CEP126: variants seen among roughly 807,000 people sequenced by gnomAD.
The protein encoded by CEP126 is centrosomal protein 126, also known as centrosomal protein of 126 kDa.
CEP126 carries 74 observed loss-of-function variants against 107.8 expected under a neutral mutation model. The ratio of observed to expected loss-of-function variants is 0.69; its 90% CI spans 0.57 to 0.83. CEP126 has a LOEUF of 0.83. Among genes scored for constraint, CEP126 ranks in the 40% least tolerant of loss-of-function variants. The pLI is 0.00. For synonymous variants in CEP126, 449 were observed against 446.0 expected (o/e 1.01, Z -0.08); for missense variants, 1,237 against 1,281.9 (o/e 0.96, Z 0.53).
chr11:101,959,269 GC>G (rs1313031720), intron 5 of CEP126, among the ~76,000 whole-genome samples: 1 of 151,560 alleles, frequency 6.6e-6, no homozygotes, highest in Non-Finnish European at 1.5e-5. Flanking sequence ...CAGTTCTCCT[GC>G]CTCACCTCCC....
At chr11:101,996,205 T>C (rs1174876558) in intron 10 of CEP126, among the ~76,000 whole-genome samples, 1 of 152,052 alleles carries the variant, frequency 6.6e-6, no homozygotes, top group African/African-American at 2.4e-5. Flanking sequence ...AAAAGCAGAG[T>C]CGTTCCACAT....
Position 101,963,787 on chromosome 11 carries a change from T to TA in CEP126, c.2753dup (p.Tyr918Ter), listed in dbSNP as rs745985707. 1 of 1,614,168 alleles carries TA rather than the reference T, an allele frequency of 6.2e-7. No homozygotes were observed. The highest frequency in any genetic ancestry group is 1.1e-5 in the South Asian group (1 of 91,086). Residue 918 changes from tyrosine (Y) to a stop codon, truncating the protein, a stop_gained and frameshift_variant, in exon 6 of 11, where the codon TAT becomes TAAT. Coordinates refer to ENST00000263468, the MANE Select transcript of CEP126 (RefSeq NM_020802.4). LOFTEE classifies it high-confidence loss of function. Reference protein sequence around the residue: ...TQRSPVCEESYPSVTLRTAEE... With the variant: ...TQRSPVCEES ...AAGAAGTCCTGTTTGTGAAGAAAGTTATCCGTCTGTGACTCTAAGAACTGC... is the reference window on the plus strand; with the variant it reads ...AAGAAGTCCTGTTTGTGAAGAAAGTTAATCCGTCTGTGACTCTAAGAACTGC...
At chr11:101,996,482 G>A (rs2137139764) in intron 10 of CEP126, among the ~76,000 whole-genome samples, 1 of 152,128 alleles carries the variant, frequency 6.6e-6, no homozygotes, top group South Asian at 2.1e-4. Context: ...CCTATATTTG[G>A]TAAAATGTAA....
chr11:101,944,187 A>G (rs1042428166), intron 2 of CEP126, 78 bp from the exon 3 acceptor site: 33 of 1,291,436 alleles, frequency 2.6e-5, no homozygotes, highest in Non-Finnish European at 3.2e-5. Flanking sequence ...ACATTGTTAT[A>G]TAATAAATGC....
At chr11:101,943,545 T>TACAC (rs150953622) in intron 2 of CEP126, among the ~76,000 whole-genome samples, 34 of 148,766 alleles carry the variant, frequency 2.3e-4, no homozygotes, top group African/African-American at 7.4e-4. Flanking sequence ...TATTGAATCA[T>TACAC]ACACACACAC....
At chr11:101,970,222 A>C (rs1236463073) in intron 6 of CEP126, among the ~76,000 whole-genome samples, 4 of 152,242 alleles carry the variant, frequency 2.6e-5, no homozygotes, top group African/African-American at 4.8e-5. Flanking sequence ...CAATAGTGTA[A>C]TATATAGAGT....
chr11:101,950,424 A>G (rs1940795631), intron 4 of CEP126, among the ~76,000 whole-genome samples: 1 of 152,226 alleles, frequency 6.6e-6, no homozygotes, highest in African/African-American at 2.4e-5. Flanking sequence ...GTAGGATACA[A>G]AAGTACTTAT....
rs1215396472 is a variant in CEP126 at position 101,961,447 on chromosome 11, G to A, written c.706-294G>A. Reference sequence around the variant, plus strand: ...CTTCAAGAAACTTCATACTCTAAATGGAATAGCAATAACAAAAATTTTTTT... The same window carrying A: ...CTTCAAGAAACTTCATACTCTAAATAGAATAGCAATAACAAAAATTTTTTT... On this transcript the variant is annotated intron_variant, in intron 5 of 10. Transcript: ENST00000263468. Among the ~76,000 whole-genome samples the A allele has an allele frequency of 3.3e-5, 5 of 151,960 alleles. No individual in the cohort carries two copies. In the East Asian group the frequency reaches 9.6e-4, roughly 29 times the overall value.
intron 2 of CEP126, among the ~76,000 whole-genome samples, chr11:101,926,979 A>C (rs1385975084): frequency 1.3e-5 from 2 of 152,114 alleles, no homozygotes; most frequent in African/African-American, 4.8e-5. Context: ...ATTGAGGATT[A>C]TCTATCTTCT....
intron 6 of CEP126, 107 bp from the exon 7 acceptor site, chr11:101,978,240 C>T: frequency 1.4e-6 from 1 of 721,466 alleles, no homozygotes; most frequent in South Asian, 1.7e-5. Flanking sequence ...ATGAATTAAA[C>T]TTACAGAGTT....
intron 6 of CEP126, among the ~76,000 whole-genome samples, chr11:101,969,855 T>C (rs541210020): frequency 6.6e-6 from 1 of 152,318 alleles, no homozygotes; most frequent in South Asian, 2.1e-4. Context: ...AAAGAGTTCA[T>C]CTTATAATTC....
chr11:101,956,648 C>T (rs916936521), intron 4 of CEP126: 51 of 456,178 alleles, frequency 1.1e-4, no homozygotes, highest in Non-Finnish European at 2.0e-4. Context: ...ATCCTTACCT[C>T]CTTCATCTAT....
At chr11:101,927,088 G>A (rs1940423390) in intron 2 of CEP126, among the ~76,000 whole-genome samples, 1 of 152,178 alleles carries the variant, frequency 6.6e-6, no homozygotes, top group Non-Finnish European at 1.5e-5. Flanking sequence ...CGTTACTTGA[G>A]GTCAGGAGTT....
At chr11:101,978,198 A>G (rs1042718607) in intron 6 of CEP126, 149 bp from the exon 7 acceptor site, 6 of 651,608 alleles carry the variant, frequency 9.2e-6, no homozygotes, top group Non-Finnish European at 1.6e-5. Context: ...CTTAGAGCAT[A>G]TAAGAGGAGC....
intron 1 of CEP126, among the ~76,000 whole-genome samples, chr11:101,920,486 CTGTT>C (rs1940306095): frequency 6.6e-6 from 1 of 150,846 alleles, no homozygotes; most frequent in African/African-American, 2.4e-5. Context: ...TTTAAACAAG[CTGTT>C]TGTTCTAAAA....
chr11:101,982,389 C>G (rs1439594091), intron 8 of CEP126, among the ~76,000 whole-genome samples: 2 of 152,044 alleles, frequency 1.3e-5, no homozygotes, highest in African/African-American at 4.8e-5. Flanking sequence ...AGTGTGTGTC[C>G]AGTGGTGTAT....
At chr11:101,996,251 C>T (rs1248264244) in intron 10 of CEP126, among the ~76,000 whole-genome samples, 1 of 152,180 alleles carries the variant, frequency 6.6e-6, no homozygotes. Flanking sequence ...GCAAGCTCCC[C>T]CTTCATAGTT....
Position 102,000,219 on chromosome 11 carries a change from A to G in CEP126, c.*2576A>G, listed in dbSNP as rs955280857. 4 of 152,106 alleles carry G rather than the reference A, an allele frequency of 2.6e-5. No homozygotes were observed. Among genetic ancestry groups the G allele is most frequent in the African/African-American group, 9.7e-5 (4 of 41,424 alleles). 9.4% of individuals were successfully genotyped at this position (152,106 alleles called of 1,614,324 possible). Reference sequence around the variant, plus strand: ...AATAAAAATAAAAATGTTACTTTTTAAAAAGTAACTTTTTTAATAATATAA... The same window carrying G: ...AATAAAAATAAAAATGTTACTTTTTGAAAAGTAACTTTTTTAATAATATAA... On this transcript the variant is annotated 3_prime_UTR_variant, in exon 11 of 11. Transcript: ENST00000263468.
intron 4 of CEP126, chr11:101,956,141 C>T (rs557698418): frequency 9.9e-5 from 45 of 456,654 alleles, no homozygotes; most frequent in Admixed American, 8.9e-4. Flanking sequence ...TCCAATCATT[C>T]CTGACCCTGA....
Sources: gnomAD v4.1 joint callset for allele counts (sites outside exome capture counted in the v4.1 genomes callset) on GRCh38, gnomAD v4.1.1 for gene constraint, MANE v1.5 for transcripts, NCBI Gene and HGNC (gene_info 2026-07-23, HGNC 2026-07-21) for gene names.